The following ABCA12 variants were observed in gnomAD, a reference collection of about 807,000 sequenced individuals.
The protein encoded by ABCA12 is glucosylceramide transporter ABCA12.
A neutral mutation model predicts 293.5 loss-of-function variants in ABCA12; 156 were observed. The ratio of observed to expected loss-of-function variants is 0.53; its 90% CI spans 0.47 to 0.61. The LOEUF (loss-of-function observed/expected upper bound fraction) is 0.61, where lower values mean the gene tolerates loss of function less well. ABCA12 is among the 20% of genes least tolerant of loss of function. ABCA12 has a pLI of 0.00. For missense variants in ABCA12, 2,797 were observed against 3,090.2 expected (o/e 0.91, Z 2.25); for synonymous variants, 1,063 against 1,108.0 (o/e 0.96, Z 0.81).
chr2:215,119,735 A>T (rs963506981), intron 1 of ABCA12, among the ~76,000 whole-genome samples: 159 of 108,054 alleles, frequency 1.5e-3, no homozygotes, highest in African/African-American at 0.011. Context: ...ATTAAAAAGT[A>T]AAAAAAAAAA....
intron 41 of ABCA12, among the ~76,000 whole-genome samples, chr2:214,957,779 TCCTACTAATCTTCTCTAATG>T (rs1194429674): frequency 2.0e-5 from 3 of 152,234 alleles, no homozygotes; most frequent in Non-Finnish European, 4.4e-5. Flanking sequence ...CCCTTCTTTT[TCCTACTAATCTTCTCTAATG>T]TGTCATTAGC....
At chr2:215,094,827 C>T (rs1244506716) in intron 2 of ABCA12, among the ~76,000 whole-genome samples, 1 of 152,294 alleles carries the variant, frequency 6.6e-6, no homozygotes, top group Non-Finnish European at 1.5e-5. Context: ...ACAGCTGCTG[C>T]CCTCGCTAAA....
intron 22 of ABCA12, 72 bp downstream of exon 22, chr2:215,000,633 G>T: frequency 6.4e-7 from 1 of 1,553,524 alleles, no homozygotes; most frequent in South Asian, 1.1e-5. Flanking sequence ...TAATACATCT[G>T]AATGAATGGA....
intron 50 of ABCA12, among the ~76,000 whole-genome samples, chr2:214,938,901 G>C (rs768939289): frequency 6.6e-6 from 1 of 152,142 alleles, no homozygotes; most frequent in Non-Finnish European, 1.5e-5. Flanking sequence ...CTCCCGTTCT[G>C]TAGGTTGCCT....
intron 6 of ABCA12, 36 bp downstream of exon 6, chr2:215,049,590 G>A (rs1298210986): frequency 6.4e-7 from 1 of 1,560,674 alleles, no homozygotes; most frequent in Non-Finnish European, 8.7e-7. Flanking sequence ...TTTAATTCAT[G>A]TTGAGTCACT....
chr2:215,060,322 C>T (rs541653093), intron 3 of ABCA12, among the ~76,000 whole-genome samples: 6 of 152,144 alleles, frequency 3.9e-5, no homozygotes, highest in East Asian at 3.9e-4. Context: ...GCATGCTGTA[C>T]GAATTCATTA....
At chr2:215,087,366 T>C (rs1702062030) in intron 2 of ABCA12, among the ~76,000 whole-genome samples, 1 of 152,198 alleles carries the variant, frequency 6.6e-6, no homozygotes, top group East Asian at 1.9e-4. Context: ...TTACTGCAAA[T>C]ACAGATCTTT....
chr2:214,968,447 T>C (rs753995932), intron 38 of ABCA12, among the ~76,000 whole-genome samples: 16 of 152,138 alleles, frequency 1.1e-4, no homozygotes, highest in Non-Finnish European at 2.1e-4. Flanking sequence ...TGAAACAGTT[T>C]ATTTCTATAT....
intron 23 of ABCA12, among the ~76,000 whole-genome samples, chr2:214,995,791 A>G (rs1700019507): frequency 6.6e-6 from 1 of 152,152 alleles, no homozygotes. Flanking sequence ...ACTGCCAAAT[A>G]AATCGTGACA....
chr2:215,006,509 T>C (rs950807073), intron 19 of ABCA12, among the ~76,000 whole-genome samples: 4 of 152,208 alleles, frequency 2.6e-5, no homozygotes, highest in Non-Finnish European at 4.4e-5. Context: ...GTTGTAATTA[T>C]AACTATGCAT....
chr2:215,128,949 T>C (rs1048588610), intron 1 of ABCA12, among the ~76,000 whole-genome samples: 2 of 152,206 alleles, frequency 1.3e-5, no homozygotes, highest in Non-Finnish European at 2.9e-5. Flanking sequence ...AAGATCTATG[T>C]CTGAAGGCTG....
At chr2:214,962,542 C>T (rs1017730320) in intron 39 of ABCA12, 7 of 151,998 alleles carry the variant, frequency 4.6e-5, no homozygotes, top group Non-Finnish European at 7.4e-5. Flanking sequence ...TATTCAGGAC[C>T]GGAATTCAGC....
intron 39 of ABCA12, among the ~76,000 whole-genome samples, chr2:214,963,745 C>A (rs532686787): frequency 6.6e-6 from 1 of 151,060 alleles, no homozygotes; most frequent in Non-Finnish European, 1.5e-5. Flanking sequence ...CATGGTGAAA[C>A]CCTGTCTCTA....
In ABCA12 at chr2:214,932,082, C is replaced by T. The variant is rs183185732; in HGVS notation, c.*552G>A. Reference sequence around the variant, plus strand: ...CACGTCCCCATGCATTCACAGGTACCGAAAGTGACATACACATACATTGTA... The same window carrying T: ...CACGTCCCCATGCATTCACAGGTACTGAAAGTGACATACACATACATTGTA... On this transcript the variant is annotated 3_prime_UTR_variant, in exon 53 of 53. Transcript: ENST00000272895. 63 of 156,384 alleles carry T rather than the reference C, an allele frequency of 4.0e-4. No homozygotes were observed. Among genetic ancestry groups the T allele is most frequent in the Non-Finnish European group, 8.1e-4 (59 of 72,612 alleles). The allele number at this position is 156,384 out of a possible 1,614,324, so 9.7% of individuals were successfully genotyped here.
intron 15 of ABCA12, 70 bp from the exon 16 acceptor site, chr2:215,012,205 T>C: frequency 1.4e-6 from 2 of 1,474,602 alleles, no homozygotes; most frequent in South Asian, 2.3e-5. Flanking sequence ...GTTGGTAAGG[T>C]TGTAGAAAGG....
At chr2:215,019,938 G>C (rs1421527481) in intron 11 of ABCA12, 142 bp from the exon 12 acceptor site, 3 of 1,019,538 alleles carry the variant, frequency 2.9e-6, no homozygotes, top group Non-Finnish European at 4.4e-6. Flanking sequence ...TTTGGCGTTA[G>C]TTTTATTATG....
chr2:215,102,551 A>T (rs1575045425), intron 2 of ABCA12, among the ~76,000 whole-genome samples: 1 of 152,182 alleles, frequency 6.6e-6, no homozygotes, highest in African/African-American at 2.4e-5. Context: ...GTGAGCTGAG[A>T]TTGCACCACT....
rs147433178 is a variant in ABCA12 at position 215,127,163 on chromosome 2, A to G, written c.69+10977T>C. ...CCACTGTGGTCTGAGAAAGTGCTTG[A>G]TATAATTTCAATTTTCTTAAATTTA... On this transcript the variant is annotated intron_variant, in intron 1 of 52. Transcript: ENST00000272895. 4.8e-3 allele frequency among the ~76,000 whole-genome samples: 735 copies of G among 152,190 alleles called. 7 individuals are homozygous for G. Among genetic ancestry groups the G allele is most frequent in the African/African-American group, 0.017 (699 of 41,528 alleles).
In ABCA12 at chr2:215,134,256, A is replaced by G. The variant is rs561696631; in HGVS notation, c.69+3884T>C. On this transcript the variant is annotated intron_variant, in intron 1 of 52. Transcript: ENST00000272895. ...TATATGTATATGTGTATATATGTATATATGTACATATATACGTATATGTGT... is the reference window on the plus strand; with the variant it reads ...TATATGTATATGTGTATATATGTATGTATGTACATATATACGTATATGTGT... Among the ~76,000 whole-genome samples, 8 of 148,472 alleles carry G rather than the reference A, an allele frequency of 5.4e-5. No homozygotes were observed. In the South Asian group the frequency reaches 1.7e-3, roughly 32 times the overall value.
Sources: gnomAD v4.1 joint callset for allele counts (sites outside exome capture counted in the v4.1 genomes callset) on GRCh38, gnomAD v4.1.1 for gene constraint, MANE v1.5 for transcripts, NCBI Gene and HGNC (gene_info 2026-07-23, HGNC 2026-07-21) for gene names.